Variants in GRM5 observed in about 807,000 individuals in gnomAD.
GRM5 encodes the protein glutamate metabotropic receptor 5, also known as metabotropic glutamate receptor 5.
In GRM5, 19 loss-of-function variants were observed where a neutral mutation model predicts 83.1. The ratio of observed to expected loss-of-function variants is 0.23; its 90% CI spans 0.16 to 0.34. The LOEUF is 0.34. GRM5 is among the 10% of genes least tolerant of loss of function. The pLI, the probability that GRM5 is intolerant of heterozygous loss-of-function variation, is 1.00. For missense variants in GRM5, 1,160 were observed against 1,588.3 expected (o/e 0.73, Z 4.58); for synonymous variants, 675 against 633.6 (o/e 1.07, Z -0.98).
chr11:88,767,755 T>G (rs1353791193), intron 3 of GRM5, among the ~76,000 whole-genome samples: 2 of 151,726 alleles, frequency 1.3e-5, no homozygotes, highest in Non-Finnish European at 2.9e-5. Flanking sequence ...GGCAAAATAA[T>G]CTGTGCACCA....
intron 6 of GRM5, among the ~76,000 whole-genome samples, chr11:88,595,130 T>C (rs1429590469): frequency 1.3e-5 from 2 of 152,206 alleles, no homozygotes; most frequent in African/African-American, 2.4e-5. Context: ...TTTTTTTCAA[T>C]TGACACATAA....
intron 8 of GRM5, among the ~76,000 whole-genome samples, chr11:88,528,324 T>C (rs932921556): frequency 6.6e-6 from 1 of 152,076 alleles, no homozygotes; most frequent in Non-Finnish European, 1.5e-5. Flanking sequence ...TGCTTTCAGA[T>C]AGGACCCTAC....
At chr11:89,051,070 C>T (rs547700566) in intron 1 of GRM5, among the ~76,000 whole-genome samples, 3 of 151,902 alleles carry the variant, frequency 2.0e-5, no homozygotes, top group Non-Finnish European at 4.4e-5. Context: ...TGTAACAAAC[C>T]TGCACATGTG....
chr11:88,984,043 T>TA (rs1425017794), intron 2 of GRM5, among the ~76,000 whole-genome samples: 11 of 152,196 alleles, frequency 7.2e-5, no homozygotes, highest in Non-Finnish European at 1.6e-4. Flanking sequence ...GTTATTATGA[T>TA]AATAAAAAAC....
intron 3 of GRM5, among the ~76,000 whole-genome samples, chr11:88,810,259 GT>G (rs796667117): frequency 2.6e-5 from 4 of 152,100 alleles, no homozygotes; most frequent in African/African-American, 9.6e-5. Context: ...TAATAATTAG[GT>G]TTGGATAGCT....
intron 8 of GRM5, among the ~76,000 whole-genome samples, chr11:88,557,817 T>C (rs972953912): frequency 2.0e-5 from 3 of 151,874 alleles, no homozygotes; most frequent in Non-Finnish European, 4.4e-5. Flanking sequence ...GTTTGTTACA[T>C]AGGTATACAC....
intron 2 of GRM5, among the ~76,000 whole-genome samples, chr11:88,912,988 T>C (rs2135613542): frequency 6.6e-6 from 1 of 152,338 alleles, no homozygotes; most frequent in African/African-American, 2.4e-5. Context: ...TCCCTGTTGC[T>C]ATTTTAATAT....
intron 3 of GRM5, among the ~76,000 whole-genome samples, chr11:88,746,296 T>C (rs1227662409): frequency 6.6e-6 from 1 of 152,172 alleles, no homozygotes; most frequent in Non-Finnish European, 1.5e-5. Context: ...ATATATAGAC[T>C]TCCACAATAA....
chr11:88,716,549 T>G, intron 3 of GRM5, among the ~76,000 whole-genome samples: 1 of 151,938 alleles, frequency 6.6e-6, no homozygotes, highest in Admixed American at 6.6e-5. Flanking sequence ...GACTGCTTAA[T>G]GCTTTCAGAG....
intron 3 of GRM5, among the ~76,000 whole-genome samples, chr11:88,703,946 C>A (rs1488073826): frequency 6.6e-6 from 1 of 151,912 alleles, no homozygotes; most frequent in Non-Finnish European, 1.5e-5. Flanking sequence ...GTTTTTTCAA[C>A]AACAAACATT....
chr11:88,705,788 T>C (rs922732256), intron 3 of GRM5, among the ~76,000 whole-genome samples: 17 of 152,026 alleles, frequency 1.1e-4, no homozygotes, highest in African/African-American at 4.1e-4. Flanking sequence ...TCAATAATTA[T>C]TTCCCTTAGG....
chr11:88,840,840 G>T (rs114340331), intron 3 of GRM5, among the ~76,000 whole-genome samples: 1 of 152,232 alleles, frequency 6.6e-6, no homozygotes, highest in Admixed American at 6.5e-5. Context: ...GGTTCTGGGC[G>T]GTAAGAGGCA....
intron 8 of GRM5, among the ~76,000 whole-genome samples, chr11:88,534,469 A>G (rs1371094562): frequency 6.6e-6 from 1 of 152,142 alleles, no homozygotes; most frequent in Non-Finnish European, 1.5e-5. Flanking sequence ...TTGGACTTAC[A>G]TGGGACCTGT....
chr11:88,946,969 A>T (rs1368528787), intron 2 of GRM5, among the ~76,000 whole-genome samples: 1 of 152,130 alleles, frequency 6.6e-6, no homozygotes, highest in East Asian at 1.9e-4. Context: ...ATGTTTACCT[A>T]TGGGGAAAAT....
chr11:88,572,399 C>T (rs1302201153), intron 7 of GRM5, among the ~76,000 whole-genome samples: 1 of 152,048 alleles, frequency 6.6e-6, no homozygotes, highest in Non-Finnish European at 1.5e-5. Flanking sequence ...ATTGGATGGC[C>T]CACCACAGTC....
chr11:88,898,230 A>G (rs1415055975), intron 2 of GRM5, among the ~76,000 whole-genome samples: 1 of 151,910 alleles, frequency 6.6e-6, no homozygotes, highest in Non-Finnish European at 1.5e-5. Flanking sequence ...TAAGGAAACC[A>G]GTTATATTGA....
Position 88,567,968 on chromosome 11 carries a change from T to C in GRM5, c.1715A>G (p.Tyr572Cys), listed in dbSNP as rs56298659. 1 of 1,613,448 alleles carries C rather than the reference T, an allele frequency of 6.2e-7. No individual in the cohort carries two copies. The highest frequency in any genetic ancestry group is 1.1e-5 in the South Asian group (1 of 91,024). ...LTGCDLIPVQ[Y>C]LRWGDPEPIA... ...GGGTTCAGGGTCACCCCATCGAAGA[T>C]ACTGTACTGGGATCAAGTCACAACC... Residue 572 changes from tyrosine (Y) to cysteine (C), a missense_variant, in exon 8 of 10, where the codon TAT becomes TGT. Tyr to Cys is a radical substitution (Grantham distance 194). Around this residue, in one of 9 missense-constraint regions of GRM5, gnomAD observed 132 missense variants for 245.5 expected, o/e 0.54. Transcript: ENST00000305447. The surrounding 1 kb of genome is among the most constrained non-coding windows in gnomAD (Gnocchi z 7.3).
intron 3 of GRM5, among the ~76,000 whole-genome samples, chr11:88,791,963 G>A (rs1943182050): frequency 6.6e-6 from 1 of 151,960 alleles, no homozygotes; most frequent in East Asian, 1.9e-4. Context: ...TGGATTTTAT[G>A]GCATTGATCA....
chr11:88,825,164 T>A (rs1590887909), intron 3 of GRM5, among the ~76,000 whole-genome samples: 1 of 152,290 alleles, frequency 6.6e-6, no homozygotes. Context: ...GCTATTTAAC[T>A]TATGCTAAGG....
Sources: allele counts gnomAD v4.1 joint callset (sites outside exome capture counted in the v4.1 genomes callset), GRCh38; gene constraint gnomAD v4.1.1; regional missense constraint gnomAD v4.1.1; non-coding constraint Gnocchi (gnomAD v3.1); transcripts MANE v1.5; gene names NCBI Gene and HGNC (gene_info 2026-07-23, HGNC 2026-07-21).